Variants in EPB41L4B observed in about 807,000 individuals in gnomAD.
The protein encoded by EPB41L4B is erythrocyte membrane protein band 4.1 like 4B.
Under a neutral mutation model 112.5 loss-of-function variants are expected in EPB41L4B, and 30 were observed. The ratio of observed to expected loss-of-function variants is 0.27; its 90% CI spans 0.20 to 0.36. The LOEUF (loss-of-function observed/expected upper bound fraction) is 0.36. Among genes scored for constraint, EPB41L4B ranks in the 10% least tolerant of loss-of-function variants. EPB41L4B has a pLI of 1.00. For missense variants in EPB41L4B, 1,024 were observed against 1,133.3 expected (o/e 0.90, Z 1.38); for synonymous variants, 408 against 439.7 (o/e 0.93, Z 0.90).
intron 2 of EPB41L4B, among the ~76,000 whole-genome samples, chr9:109,279,607 T>C (rs894449255): frequency 1.1e-4 from 16 of 152,206 alleles, no homozygotes; most frequent in African/African-American, 3.9e-4. Flanking sequence ...TCACATCCTC[T>C]CCTGGTTACT....
intron 15 of EPB41L4B, among the ~76,000 whole-genome samples, chr9:109,235,834 A>G (rs928193444): frequency 6.6e-6 from 1 of 152,224 alleles, no homozygotes; most frequent in African/African-American, 2.4e-5. Context: ...TTTATTGATA[A>G]TTCTCTTATC....
intron 19 of EPB41L4B, among the ~76,000 whole-genome samples, chr9:109,202,754 G>A (rs1241099257): frequency 2.0e-5 from 3 of 152,126 alleles, no homozygotes; most frequent in African/African-American, 7.2e-5. Context: ...ATTACTTAAT[G>A]GGCACAATGT....
chr9:109,234,501 G>A (rs564178263), intron 15 of EPB41L4B, among the ~76,000 whole-genome samples: 6 of 152,288 alleles, frequency 3.9e-5, no homozygotes, highest in African/African-American at 7.2e-5. Context: ...GGAATAAGAA[G>A]GTGGAAAGGA....
intron 21 of EPB41L4B, among the ~76,000 whole-genome samples, chr9:109,193,286 G>T (rs1360238790): frequency 6.6e-6 from 1 of 152,228 alleles, no homozygotes; most frequent in Non-Finnish European, 1.5e-5. Context: ...TGGTAATGCA[G>T]GAGGTGGCCC....
chr9:109,194,414 C>T lies in EPB41L4B; in HGVS notation c.2046-17G>A. The T allele has an allele frequency of 1.9e-6, 3 of 1,612,360 alleles. No individual in the cohort carries two copies. Among genetic ancestry groups the T allele is most frequent in the Non-Finnish European group, 2.5e-6 (3 of 1,178,934 alleles). ...TCTTCATCACTGCGGTTACTAAAAG[C>T]ACATGAAGCTCTGCTCATTACAATA... On this transcript the variant is annotated splice_polypyrimidine_tract_variant and intron_variant, in intron 20 of 25. Transcript: ENST00000374566.
chr9:109,224,412 G>T (rs1833692817), intron 15 of EPB41L4B, among the ~76,000 whole-genome samples: 2 of 152,116 alleles, frequency 1.3e-5, no homozygotes, highest in African/African-American at 2.4e-5. Flanking sequence ...TTGAAAACAT[G>T]ATATACTACA....
At chr9:109,202,148 G>A in intron 19 of EPB41L4B, among the ~76,000 whole-genome samples, 1 of 152,148 alleles carries the variant, frequency 6.6e-6, no homozygotes, top group East Asian at 1.9e-4. Context: ...TGGGTGAGGG[G>A]TAGGTAATAA....
At chr9:109,286,962 A>G (rs1836310149) in intron 1 of EPB41L4B, among the ~76,000 whole-genome samples, 2 of 152,180 alleles carry the variant, frequency 1.3e-5, no homozygotes, top group South Asian at 2.1e-4. Flanking sequence ...TCTTGCATCA[A>G]TGTTTTCTAG....
intron 24 of EPB41L4B, among the ~76,000 whole-genome samples, chr9:109,178,385 CTT>C (rs201156641): frequency 1.5e-4 from 21 of 143,526 alleles, no homozygotes; most frequent in Middle Eastern, 3.8e-3. Context: ...GCAGTATCTT[CTT>C]TTTTTTTTTT....
chr9:109,212,722 G>A (rs998264436), intron 17 of EPB41L4B, among the ~76,000 whole-genome samples: 3 of 152,178 alleles, frequency 2.0e-5, no homozygotes, highest in African/African-American at 7.2e-5. Flanking sequence ...TTCTTCCTTA[G>A]GGGATTTAAA....
At chr9:109,183,109 T>C (rs952098150) in intron 23 of EPB41L4B, among the ~76,000 whole-genome samples, 1 of 152,130 alleles carries the variant, frequency 6.6e-6, no homozygotes, top group Admixed American at 6.5e-5. Context: ...TTTCCAGGCC[T>C]GACTCATAAA....
intron 1 of EPB41L4B, among the ~76,000 whole-genome samples, chr9:109,283,230 C>G (rs970487700): frequency 6.6e-6 from 1 of 152,168 alleles, no homozygotes; most frequent in Non-Finnish European, 1.5e-5. Flanking sequence ...GGGCAGGGTT[C>G]TCCCCTGACT....
At chr9:109,294,136 T>C (rs913954098) in intron 1 of EPB41L4B, among the ~76,000 whole-genome samples, 3 of 150,734 alleles carry the variant, frequency 2.0e-5, no homozygotes, top group Non-Finnish European at 3.0e-5. Context: ...GAAACCCCAT[T>C]TCTACGAAAA....
chr9:109,219,571 A>C (rs1833502007), intron 15 of EPB41L4B, among the ~76,000 whole-genome samples: 1 of 152,020 alleles, frequency 6.6e-6, no homozygotes, highest in African/African-American at 2.4e-5. Flanking sequence ...CGTGTTAGCC[A>C]GGACGGTCTC....
intron 1 of EPB41L4B, among the ~76,000 whole-genome samples, chr9:109,319,173 T>C (rs528637818): frequency 1.3e-5 from 2 of 152,300 alleles, no homozygotes; most frequent in African/African-American, 2.4e-5. Flanking sequence ...GCCCGATTAA[T>C]GTGTGGTTTG....
At chr9:109,200,376 G>T (rs1268342637) in intron 19 of EPB41L4B, 42 bp from the exon 20 acceptor site, 3 of 1,506,796 alleles carry the variant, frequency 2.0e-6, no homozygotes, top group Non-Finnish European at 2.8e-6. Flanking sequence ...ATCAAAAAAG[G>T]TTTATGGTCT....
At chr9:109,254,084 G>A (rs1834894471) in intron 11 of EPB41L4B, among the ~76,000 whole-genome samples, 1 of 152,190 alleles carries the variant, frequency 6.6e-6, no homozygotes, top group African/African-American at 2.4e-5. Flanking sequence ...CATTCCAGTT[G>A]CTCTTAGTCA....
At chr9:109,180,025 TG>T (rs1831996255) in intron 24 of EPB41L4B, among the ~76,000 whole-genome samples, 1 of 152,186 alleles carries the variant, frequency 6.6e-6, no homozygotes. Context: ...GAATCCCTAC[TG>T]TGGCCTACAA....
chr9:109,199,842 C>A (rs1832762273), intron 20 of EPB41L4B, among the ~76,000 whole-genome samples: 1 of 152,100 alleles, frequency 6.6e-6, no homozygotes, highest in Non-Finnish European at 1.5e-5. Context: ...CCTTGAGGAC[C>A]TGATCCCTGT....
Sources: allele counts gnomAD v4.1 joint callset (sites outside exome capture counted in the v4.1 genomes callset), GRCh38; gene constraint gnomAD v4.1.1; transcripts MANE v1.5; gene names NCBI Gene and HGNC (gene_info 2026-07-23, HGNC 2026-07-21).